The following KCNK13 variants were observed in gnomAD, a reference collection of about 807,000 sequenced individuals.
The protein encoded by KCNK13 is potassium two pore domain channel subfamily K member 13, also known as potassium channel subfamily K member 13.
KCNK13 carries 12 observed loss-of-function variants against 23.4 expected under a neutral mutation model. The ratio of observed to expected loss-of-function variants is 0.51; its 90% confidence interval spans 0.33 to 0.83. KCNK13 has a LOEUF of 0.83. Among genes scored for constraint, KCNK13 ranks in the 40% least tolerant of loss-of-function variants. KCNK13 has a pLI of 0.02. For missense variants in KCNK13, 463 were observed against 556.3 expected, an observed-to-expected ratio of 0.83 and a Z score of 1.69; for synonymous variants, 231 against 229.5, an observed-to-expected ratio of 1.01 and a Z score of -0.06.
intron 1 of KCNK13, among the ~76,000 whole-genome samples, chr14:90,129,874 A>G (rs1459041783): frequency 6.6e-6 from 1 of 152,090 alleles, no homozygotes; most frequent in Non-Finnish European, 1.5e-5. Flanking sequence ...AGGAAAGTAA[A>G]CAGTGAACAA....
intron 1 of KCNK13, among the ~76,000 whole-genome samples, chr14:90,145,853 T>C (rs1890066764): frequency 6.6e-6 from 1 of 151,790 alleles, no homozygotes; most frequent in African/African-American, 2.4e-5. Context: ...ATTTAAAAAT[T>C]AGCCAGGTGT....
chr14:90,095,170 C>A (rs1021062347), intron 1 of KCNK13, among the ~76,000 whole-genome samples: 3 of 152,216 alleles, frequency 2.0e-5, no homozygotes, highest in South Asian at 2.1e-4. Context: ...AAAGGCAACA[C>A]CATCAAGGAA....
chr14:90,087,129 C>CATATATATATATAT (rs141670518), intron 1 of KCNK13, among the ~76,000 whole-genome samples: 1 of 124,706 alleles, frequency 8.0e-6, no homozygotes, highest in African/African-American at 3.1e-5. Flanking sequence ...TATATATATA[C>CATATATATATATAT]ATATATATAT....
chr14:90,160,939 C>A (rs1002742856), intron 1 of KCNK13, among the ~76,000 whole-genome samples: 7 of 151,754 alleles, frequency 4.6e-5, no homozygotes, highest in Non-Finnish European at 7.4e-5. Context: ...ATTAAATATT[C>A]TTTTTTAATA....
chr14:90,072,366 G>C (rs1278685240), intron 1 of KCNK13, among the ~76,000 whole-genome samples: 1 of 152,224 alleles, frequency 6.6e-6, no homozygotes, highest in African/African-American at 2.4e-5. Flanking sequence ...GTAACGGGGT[G>C]TAGGACATTA....
chr14:90,075,622 G>T (rs1466547422), intron 1 of KCNK13, among the ~76,000 whole-genome samples: 1 of 152,104 alleles, frequency 6.6e-6, no homozygotes, highest in Non-Finnish European at 1.5e-5. Context: ...GGGATTACAG[G>T]CGTGCACCAC....
At chr14:90,090,011 A>G (rs920698025) in intron 1 of KCNK13, among the ~76,000 whole-genome samples, 11 of 152,208 alleles carry the variant, frequency 7.2e-5, no homozygotes, top group African/African-American at 2.7e-4. Flanking sequence ...AACCTCTGCT[A>G]GGGCAGTGTG....
intron 1 of KCNK13, chr14:90,107,794 A>G (rs1401567975): frequency 1.2e-6 from 1 of 853,020 alleles, no homozygotes; most frequent in Non-Finnish European, 2.0e-6. Context: ...CCATCAAACA[A>G]GGGCTTCTGG....
chr14:90,142,377 G>A (rs28701829), intron 1 of KCNK13, among the ~76,000 whole-genome samples: 4,126 of 128,398 alleles, frequency 0.032, 196 homozygotes, highest in African/African-American at 0.11. Context: ...GGAGTGCAGT[G>A]GCATGATCTC....
chr14:90,126,943 A>G (rs990119138), intron 1 of KCNK13, among the ~76,000 whole-genome samples: 1 of 152,216 alleles, frequency 6.6e-6, no homozygotes, highest in African/African-American at 2.4e-5. Flanking sequence ...ATCAAAACCA[A>G]GGAAAGTCTA....
chr14:90,062,409 C>A lies in KCNK13; in HGVS notation c.204C>A (p.Arg68=). 1 of 1,546,330 alleles carries A rather than the reference C, an allele frequency of 6.5e-7. No homozygotes were observed. The highest frequency in any genetic ancestry group is 2.0e-5 in the Admixed American group (1 of 51,128). Residue 68 remains arginine, a synonymous_variant, in exon 1 of 2, where the codon CGC becomes CGA. Transcript: ENST00000282146. This position sits in a 1 kb window ranked among gnomAD's most constrained non-coding sequence, Gnocchi z 4.5. ...TCAGCCGCGGCCACAACCTGAGCCG[C>A]GACGAGCTGCGCGGCTTCCTCCGCC... ...ANFSRGHNLS[R]DELRGFLRHY...
intron 1 of KCNK13, among the ~76,000 whole-genome samples, chr14:90,086,252 A>AT (rs1889275083): frequency 6.6e-6 from 1 of 152,064 alleles, no homozygotes; most frequent in Admixed American, 6.6e-5. Flanking sequence ...CATATACTAT[A>AT]TTTTTCCTCT....
chr14:90,094,074 G>A (rs1388656435), intron 1 of KCNK13, among the ~76,000 whole-genome samples: 1 of 152,108 alleles, frequency 6.6e-6, no homozygotes, highest in Non-Finnish European at 1.5e-5. Context: ...CTGAGGTCGT[G>A]CTGTCTGCAT....
At chr14:90,128,072 C>A (rs1889823821) in intron 1 of KCNK13, among the ~76,000 whole-genome samples, 1 of 152,088 alleles carries the variant, frequency 6.6e-6, no homozygotes, top group Non-Finnish European at 1.5e-5. Context: ...GGATTGGAGG[C>A]AATTTTAAAT....
At chr14:90,063,335 A>G (rs543332188) in intron 1 of KCNK13, among the ~76,000 whole-genome samples, 1 of 152,268 alleles carries the variant, frequency 6.6e-6, no homozygotes, top group South Asian at 2.1e-4. Context: ...CCTGGGAGCC[A>G]TTGAGAATTT....
chr14:90,170,732 C>T (rs935195730), intron 1 of KCNK13, among the ~76,000 whole-genome samples: 13 of 152,088 alleles, frequency 8.5e-5, no homozygotes, highest in African/African-American at 2.7e-4. Context: ...CATAAGATGA[C>T]GTAAACAAAT....
At chr14:90,069,365 T>G (rs751289315) in intron 1 of KCNK13, among the ~76,000 whole-genome samples, 4 of 152,082 alleles carry the variant, frequency 2.6e-5, no homozygotes, top group Non-Finnish European at 4.4e-5. Flanking sequence ...GAGATAATTA[T>G]GCAAGTGCCC....
At chr14:90,065,009 G>A (rs570576919) in intron 1 of KCNK13, among the ~76,000 whole-genome samples, 17 of 152,174 alleles carry the variant, frequency 1.1e-4, no homozygotes, top group African/African-American at 4.1e-4. Context: ...CAGGTTTTTT[G>A]TAAAATAAAG....
At chr14:90,139,473 C>CG (rs11292552) in intron 1 of KCNK13, among the ~76,000 whole-genome samples, 3 of 151,970 alleles carry the variant, frequency 2.0e-5, no homozygotes, top group Non-Finnish European at 4.4e-5. Flanking sequence ...TTCGAGCATG[C>CG]GGGGGCCCTG....
Sources: gnomAD v4.1 joint callset for allele counts (sites outside exome capture counted in the v4.1 genomes callset) on GRCh38, gnomAD v4.1.1 for gene constraint, Gnocchi (gnomAD v3.1) non-coding constraint, MANE v1.5 for transcripts, NCBI Gene and HGNC (gene_info 2026-07-23, HGNC 2026-07-21) for gene names.